The following PIEZO2 variants were observed in gnomAD, a reference collection of about 807,000 sequenced individuals.
PIEZO2 encodes the protein piezo type mechanosensitive ion channel component 2.
Under a neutral mutation model 337.3 loss-of-function variants are expected in PIEZO2, and 172 were observed. The observed-to-expected ratio is 0.51, with a 90% confidence interval of 0.45 to 0.58. PIEZO2 has a LOEUF of 0.58. PIEZO2 is among the 20% of genes least tolerant of loss of function. PIEZO2 has a pLI of 0.00. For missense variants in PIEZO2, 3,028 were observed against 3,391.3 expected, an observed-to-expected ratio of 0.89 and a Z score of 2.66; for synonymous variants, 1,251 against 1,228.5, an observed-to-expected ratio of 1.02 and a Z score of -0.38.
rs1440729286 is a variant in PIEZO2, at chr18:10,795,379, AT to A, written c.1528-378del. ...ATTTTATTTTATTTTATTTTATTTTATTTTATTTTATTTTATTTTATTTTAT... is the reference window on the plus strand; with the variant it reads ...ATTTTATTTTATTTTATTTTATTTTATTTATTTTATTTTATTTTATTTTAT... On this transcript the variant is annotated intron_variant, in intron 12 of 55. Coordinates refer to ENST00000674853, the MANE Select transcript of PIEZO2 (RefSeq NM_001378183.1). The surrounding 1 kb of genome is among the most constrained non-coding windows in gnomAD (Gnocchi z 4.4). Among the ~76,000 whole-genome samples, 10 of 64,850 alleles carry A rather than the reference AT, an allele frequency of 1.5e-4. No individual in the cohort carries two copies. The highest frequency in any genetic ancestry group is 4.8e-4 in the Admixed American group (3 of 6,218). The allele number at this position is 64,850 out of a possible 152,430, so 42.5% of individuals were successfully genotyped here. A position where few individuals can be genotyped will look rare whatever the true frequency, so the allele number is the denominator to read the frequency against.
chr18:10,838,443 C>T (rs1014175924), intron 7 of PIEZO2, among the ~76,000 whole-genome samples: 4 of 152,214 alleles, frequency 2.6e-5, no homozygotes, highest in African/African-American at 7.2e-5. Flanking sequence ...CTGCATCATG[C>T]TTCTGAAGCT....
chr18:10,749,675 A>C, intron 29 of PIEZO2, among the ~76,000 whole-genome samples: 1 of 152,040 alleles, frequency 6.6e-6, no homozygotes. Context: ...CTGTTTCCCT[A>C]GGCTTGAAGC....
chr18:10,867,924 C>A (rs1354848184), intron 5 of PIEZO2, among the ~76,000 whole-genome samples: 1 of 152,168 alleles, frequency 6.6e-6, no homozygotes, highest in African/African-American at 2.4e-5. Context: ...TGAGAAAGAA[C>A]CTTTGATGAC....
At position 10,894,101 on chromosome 18, in the gene PIEZO2, C is replaced by G. The variant is rs1396281457; in HGVS notation, c.329+17085G>C. Among the ~76,000 whole-genome samples, 3 of 152,174 alleles carry G rather than the reference C, an allele frequency of 2.0e-5. No homozygotes were observed. Among genetic ancestry groups the G allele is most frequent in the Non-Finnish European group, 2.9e-5 (2 of 68,032 alleles). On this transcript the variant is annotated intron_variant, in intron 4 of 55. Coordinates refer to ENST00000674853, the MANE Select transcript of PIEZO2 (RefSeq NM_001378183.1). The surrounding 1 kb of genome is among the most constrained non-coding windows in gnomAD (Gnocchi z 4.1). ...TAGAAAGACACCCGAAACTGGTGAT[C>G]AGCAGCTTCCTGATAAAATCCCAGG...
intron 1 of PIEZO2, among the ~76,000 whole-genome samples, chr18:11,072,116 C>T (rs1366893308): frequency 3.3e-5 from 5 of 152,174 alleles, no homozygotes; most frequent in African/African-American, 1.2e-4. Flanking sequence ...AAGCCTATGT[C>T]TCATCCAGCA....
At chr18:10,967,027 T>TC (rs1365024970) in intron 3 of PIEZO2, among the ~76,000 whole-genome samples, 1 of 147,694 alleles carries the variant, frequency 6.8e-6, no homozygotes, top group African/African-American at 2.5e-5. Context: ...TGTTTTTTTT[T>TC]TTTTTTTTGA....
intron 43 of PIEZO2, chr18:10,701,757 G>GT (rs2035342292): frequency 2.6e-6 from 1 of 381,092 alleles, no homozygotes; most frequent in African/African-American, 2.1e-5. Flanking sequence ...CAGATTTATT[G>GT]TAAGTTCCAT....
intron 4 of PIEZO2, among the ~76,000 whole-genome samples, chr18:10,887,675 G>A (rs2042646639): frequency 1.3e-5 from 2 of 152,324 alleles, no homozygotes; most frequent in South Asian, 2.1e-4. Context: ...ATCCCATTGG[G>A]AAGCATGTGT....
chr18:11,018,786 G>C (rs993365190), intron 2 of PIEZO2, among the ~76,000 whole-genome samples: 3 of 152,118 alleles, frequency 2.0e-5, no homozygotes, highest in Non-Finnish European at 4.4e-5. Flanking sequence ...TTAAGGATGA[G>C]TGGATATGTG....
chr18:10,955,728 C>T (rs558326211), intron 3 of PIEZO2, among the ~76,000 whole-genome samples: 3 of 152,144 alleles, frequency 2.0e-5, no homozygotes, highest in Non-Finnish European at 4.4e-5. Flanking sequence ...GTACAGAGAA[C>T]TCCAATATTT....
At position 10,806,623 on chromosome 18, in the gene PIEZO2, C is replaced by T. The variant is rs529116824; in HGVS notation, c.1080+489G>A. Reference sequence around the variant, plus strand: ...GCGCTGGAGGAGATTTGGGAAACACCAGTCCTCTTGATAACAGGGGTGTGT... The same window carrying T: ...GCGCTGGAGGAGATTTGGGAAACACTAGTCCTCTTGATAACAGGGGTGTGT... On this transcript the variant is annotated intron_variant, in intron 8 of 55. Coordinates refer to ENST00000674853, the MANE Select transcript of PIEZO2 (RefSeq NM_001378183.1). Among the ~76,000 whole-genome samples, 12 of 151,966 alleles carry T rather than the reference C, an allele frequency of 7.9e-5. No individual in the cohort carries two copies. In the Middle Eastern group the frequency reaches 0.01, roughly 130 times the overall value.
At chr18:10,933,703 C>G (rs2032219102) in intron 3 of PIEZO2, among the ~76,000 whole-genome samples, 1 of 152,178 alleles carries the variant, frequency 6.6e-6, no homozygotes, top group African/African-American at 2.4e-5. Context: ...GGGGCGGTGA[C>G]ATGATTTGGC....
intron 4 of PIEZO2, among the ~76,000 whole-genome samples, chr18:10,907,059 C>T (rs1423831466): frequency 1.3e-5 from 2 of 152,102 alleles, no homozygotes; most frequent in South Asian, 2.1e-4. Context: ...CTACACTTCC[C>T]AGAAATATTT....
At chr18:10,911,732 C>CTTCACTT (rs1568190801) in intron 3 of PIEZO2, among the ~76,000 whole-genome samples, 4 of 148,778 alleles carry the variant, frequency 2.7e-5, no homozygotes, top group Admixed American at 6.8e-5. Flanking sequence ...CTAGCCTGGG[C>CTTCACTT]GACAAGAGCA....
At chr18:10,749,630 G>A (rs1431717980) in intron 29 of PIEZO2, among the ~76,000 whole-genome samples, 2 of 152,136 alleles carry the variant, frequency 1.3e-5, no homozygotes, top group African/African-American at 4.8e-5. Context: ...GTCTTGGCAG[G>A]AGTCTAACTC....
chr18:10,820,056 T>A (rs545660847), intron 7 of PIEZO2, among the ~76,000 whole-genome samples: 58 of 152,320 alleles, frequency 3.8e-4, no homozygotes, highest in African/African-American at 1.4e-3. Context: ...CTTACCACTG[T>A]TCCCTTGCAC....
chr18:10,761,012 T>C lies in PIEZO2; in HGVS notation c.3349A>G (p.Arg1117Gly), dbSNP rs538904063. 6.5e-7 allele frequency: 1 copy of C among 1,535,690 alleles called. No homozygotes were observed. Among genetic ancestry groups the C allele is most frequent in the African/African-American group, 1.4e-5 (1 of 73,162 alleles). ...GRNNLTAPVSRTIFHDITRLH... is the reference protein window; with the variant it reads ...GRNNLTAPVSGTIFHDITRLH... The stretch of plus-strand genomic sequence containing the variant: ...CTTGTAATGTCATGAAAGATAGTTC[T>C]AGACACAGGGGCCGTCAGGTTATTT... Residue 1117 changes from arginine to glycine, a missense_variant, in exon 24 of 56, where the codon AGA becomes GGA. Physicochemically the swap from Arg to Gly is moderately radical, Grantham distance 125. Coordinates refer to ENST00000674853, the MANE Select transcript of PIEZO2 (RefSeq NM_001378183.1).
intron 1 of PIEZO2, among the ~76,000 whole-genome samples, chr18:11,100,659 A>C (rs533474801): frequency 1.3e-5 from 2 of 151,992 alleles, no homozygotes; most frequent in African/African-American, 2.4e-5. Flanking sequence ...GCAGTGGCAC[A>C]GTTTTGGCTC....
At chr18:10,725,047 C>A (rs1331373300) in intron 36 of PIEZO2, 8 of 1,568,218 alleles carry the variant, frequency 5.1e-6, no homozygotes, top group Admixed American at 1.7e-5. Context: ...GGTGGCCCTG[C>A]GGCCAACCAA....
Sources: allele counts gnomAD v4.1 joint callset (sites outside exome capture counted in the v4.1 genomes callset), GRCh38; gene constraint gnomAD v4.1.1; non-coding constraint Gnocchi (gnomAD v3.1); transcripts MANE v1.5; gene names NCBI Gene and HGNC (gene_info 2026-07-23, HGNC 2026-07-21).